The following ADAMTSL1 variants were observed in gnomAD, a reference collection of about 807,000 sequenced individuals.
ADAMTSL1 encodes the protein ADAMTS-like protein 1.
ADAMTSL1 carries 126 observed loss-of-function variants against 201.8 expected under a neutral mutation model. That is an observed-to-expected ratio of 0.62 (90% confidence interval 0.54 to 0.72). The LOEUF (loss-of-function observed/expected upper bound fraction) is 0.72, where lower values mean the gene tolerates loss of function less well. Ranked by LOEUF, ADAMTSL1 falls within the 30% of genes least tolerant of loss-of-function variation. ADAMTSL1 has a pLI of 0.00. For synonymous variants in ADAMTSL1, 1,121 were observed against 903.4 expected, an observed-to-expected ratio of 1.24 and a Z score of -4.32; for missense variants, 2,679 against 2,277.8, an observed-to-expected ratio of 1.18 and a Z score of -3.59.
At chr9:18,506,983 C>G (rs1817702406) in intron 2 of ADAMTSL1, among the ~76,000 whole-genome samples, 1 of 152,180 alleles carries the variant, frequency 6.6e-6, no homozygotes, top group Admixed American at 6.6e-5. Context: ...ATGTTCTATA[C>G]TTTTAAATTC....
rs188881949 is a variant in ADAMTSL1 at position 18,678,495 on chromosome 9, A to G, written c.1137-1817A>G. ...CTGGGACCATAGTATAAATTTTTGA[A>G]ATAATATTGCCTCATTTGTCTTTCT... On this transcript the variant is annotated intron_variant, in intron 10 of 28. Coordinates refer to ENST00000380548, the MANE Select transcript of ADAMTSL1 (RefSeq NM_001040272.6). 3.3e-5 allele frequency among the ~76,000 whole-genome samples: 5 copies of G among 152,250 alleles called. No homozygotes were observed. In the East Asian group the frequency reaches 9.6e-4, roughly 29 times the overall value.
intron 2 of ADAMTSL1, among the ~76,000 whole-genome samples, chr9:18,331,707 C>T (rs541241432): frequency 1.3e-5 from 2 of 152,274 alleles, no homozygotes; most frequent in East Asian, 3.9e-4. Context: ...GCCACCTTTC[C>T]TTTCTATCTT....
intron 1 of ADAMTSL1, among the ~76,000 whole-genome samples, chr9:18,051,024 G>A (rs770166907): frequency 1.8e-4 from 28 of 152,254 alleles, no homozygotes; most frequent in Admixed American, 5.9e-4. Flanking sequence ...CTATATGGCC[G>A]GGTGCAGTGG....
intron 13 of ADAMTSL1, among the ~76,000 whole-genome samples, chr9:18,692,391 G>T (rs936589302): frequency 6.6e-6 from 1 of 150,960 alleles, no homozygotes; most frequent in African/African-American, 2.4e-5. Context: ...TGCAAACCAA[G>T]AAGTTCTAAA....
chr9:18,331,976 G>A (rs906181998), intron 2 of ADAMTSL1, among the ~76,000 whole-genome samples: 1 of 152,070 alleles, frequency 6.6e-6, no homozygotes, highest in African/African-American at 2.4e-5. Flanking sequence ...CCTTGATAAG[G>A]CATTGGCAAG....
chr9:18,032,259 G>A (rs1395957645), intron 1 of ADAMTSL1, among the ~76,000 whole-genome samples: 1 of 152,184 alleles, frequency 6.6e-6, no homozygotes, highest in Non-Finnish European at 1.5e-5. Flanking sequence ...CAAGAGTGGT[G>A]GCTCCTCCTC....
chr9:18,755,253 C>T (rs974341820), intron 16 of ADAMTSL1, among the ~76,000 whole-genome samples: 6 of 152,166 alleles, frequency 3.9e-5, no homozygotes, highest in African/African-American at 1.4e-4. Context: ...GAATCTATGA[C>T]CTTAAACGGC....
intron 2 of ADAMTSL1, among the ~76,000 whole-genome samples, chr9:18,516,230 AAG>A (rs1207568694): frequency 1.3e-5 from 2 of 152,210 alleles, no homozygotes; most frequent in African/African-American, 2.4e-5. Flanking sequence ...GTCACTGAGA[AAG>A]AGAGAGAAAG....
At chr9:18,878,775 C>G (rs1828334467) in intron 23 of ADAMTSL1, among the ~76,000 whole-genome samples, 1 of 152,192 alleles carries the variant, frequency 6.6e-6, no homozygotes, top group South Asian at 2.1e-4. Flanking sequence ...CTCTGTACAT[C>G]TGAGTGGAAG....
intron 26 of ADAMTSL1, among the ~76,000 whole-genome samples, chr9:18,904,299 T>C (rs988160839): frequency 6.6e-6 from 1 of 151,914 alleles, no homozygotes; most frequent in African/African-American, 2.4e-5. Flanking sequence ...CGAAATCCTA[T>C]CTCTACTAAA....
intron 1 of ADAMTSL1, among the ~76,000 whole-genome samples, chr9:17,907,075 G>C (rs781175409): frequency 5.9e-5 from 9 of 152,210 alleles, no homozygotes; most frequent in Admixed American, 1.3e-4. Flanking sequence ...AAGTGGCGCG[G>C]GGTTGGGGCT....
intron 2 of ADAMTSL1, among the ~76,000 whole-genome samples, chr9:18,231,123 G>A (rs1830633019): frequency 2.6e-5 from 4 of 152,000 alleles, no homozygotes; most frequent in Admixed American, 2.6e-4. Flanking sequence ...GCAACCCCCG[G>A]GCTTTTTACT....
upstream of ADAMTSL1, chr9:18,473,867 A>G (rs1303347907): frequency 6.8e-6 from 2 of 294,768 alleles, no homozygotes; most frequent in African/African-American, 4.3e-5. Context: ...GCTTGGCTTC[A>G]TCTTTTGCAA....
chr9:18,457,253 A>G (rs1278692759), intron 2 of ADAMTSL1, among the ~76,000 whole-genome samples: 1 of 152,248 alleles, frequency 6.6e-6, no homozygotes, highest in African/African-American at 2.4e-5. Context: ...AGGGGAATAA[A>G]TGAGGAATAG....
intron 2 of ADAMTSL1, among the ~76,000 whole-genome samples, chr9:18,307,347 A>G (rs961637685): frequency 6.6e-6 from 1 of 152,172 alleles, no homozygotes; most frequent in African/African-American, 2.4e-5. Context: ...ACATAACAAT[A>G]TTAGCCTTCC....
intron 2 of ADAMTSL1, among the ~76,000 whole-genome samples, chr9:18,433,035 T>G (rs1819565469): frequency 6.6e-6 from 1 of 152,160 alleles, no homozygotes; most frequent in South Asian, 2.1e-4. Flanking sequence ...ACTATTTAAA[T>G]CTTTTAAAAT....
intron 26 of ADAMTSL1, among the ~76,000 whole-genome samples, chr9:18,897,058 C>T (rs1829686311): frequency 1.3e-5 from 2 of 152,202 alleles, no homozygotes; most frequent in Non-Finnish European, 2.9e-5. Flanking sequence ...CTGCCAGTTC[C>T]AGTGAGTCCT....
chr9:18,177,821 A>T (rs1828243871), intron 2 of ADAMTSL1, among the ~76,000 whole-genome samples: 1 of 152,194 alleles, frequency 6.6e-6, no homozygotes. Flanking sequence ...GCAGCCATAC[A>T]GCTAGCTTAA....
At chr9:18,232,430 T>C (rs1218863646) in intron 2 of ADAMTSL1, among the ~76,000 whole-genome samples, 1 of 152,230 alleles carries the variant, frequency 6.6e-6, no homozygotes, top group Non-Finnish European at 1.5e-5. Flanking sequence ...CTTTCCTTGC[T>C]TTATGTTTTT....
Sources: gnomAD v4.1 joint callset for allele counts (sites outside exome capture counted in the v4.1 genomes callset) on GRCh38, gnomAD v4.1.1 for gene constraint, MANE v1.5 for transcripts, NCBI Gene and HGNC (gene_info 2026-07-23, HGNC 2026-07-21) for gene names.